MAGI1: variants seen among roughly 807,000 people sequenced by gnomAD.
The protein encoded by MAGI1 is membrane associated guanylate kinase, WW and PDZ domain containing 1.
Under a neutral mutation model 139.9 loss-of-function variants are expected in MAGI1, and 58 were observed. That is an observed-to-expected ratio of 0.41 (90% CI 0.34 to 0.52). The LOEUF is 0.52. MAGI1 is among the 20% of genes least tolerant of loss of function. The probability of loss-of-function intolerance (pLI) is 0.12; values close to 1 mark genes in which losing one functional copy is unlikely to be tolerated. For missense variants in MAGI1, 1,874 were observed against 1,901.6 expected (o/e 0.99, Z 0.27); for synonymous variants, 812 against 737.9 (o/e 1.10, Z -1.63).
At chr3:65,579,269 G>A (rs2081312428) in intron 2 of MAGI1, among the ~76,000 whole-genome samples, 1 of 152,064 alleles carries the variant, frequency 6.6e-6, no homozygotes, top group African/African-American at 2.4e-5. Context: ...ATGGCAGCAG[G>A]TGCAACCATC....
chr3:65,596,972 G>C (rs2082235793), intron 2 of MAGI1, among the ~76,000 whole-genome samples: 1 of 152,078 alleles, frequency 6.6e-6, no homozygotes, highest in African/African-American at 2.4e-5. Flanking sequence ...GAGGAGAATC[G>C]CAGCCCTTCC....
intron 2 of MAGI1, among the ~76,000 whole-genome samples, chr3:65,577,213 T>A (rs1479315579): frequency 1.3e-5 from 2 of 151,990 alleles, no homozygotes; most frequent in Non-Finnish European, 1.5e-5. Flanking sequence ...AACAAATGAA[T>A]CATAATCCTG....
chr3:65,617,945 A>G (rs1010667924), intron 2 of MAGI1, among the ~76,000 whole-genome samples: 9 of 152,150 alleles, frequency 5.9e-5, no homozygotes, highest in African/African-American at 1.9e-4. Flanking sequence ...GGCATGCAGC[A>G]GGCACTACAA....
chr3:65,862,023 C>A (rs560561330), intron 1 of MAGI1, among the ~76,000 whole-genome samples: 1 of 152,256 alleles, frequency 6.6e-6, no homozygotes, highest in East Asian at 1.9e-4. Flanking sequence ...GCTCCCAGAA[C>A]TGACATCTTA....
At position 65,360,348 on chromosome 3, in the gene MAGI1, C is replaced by CT. The variant is rs1387575406; in HGVS notation, c.3634+850dup. ...AAGCCCTACATCTAGGGCATAGCTTCTTCTTTTTTTTTTTTTTTTTAATTT... is the reference window on the plus strand; with the variant it reads ...AAGCCCTACATCTAGGGCATAGCTTCTTTCTTTTTTTTTTTTTTTTTAATTT... On this transcript the variant is annotated intron_variant, in intron 22 of 22. Transcript: ENST00000402939. 74 of 952,806 alleles carry CT rather than the reference C, an allele frequency of 7.8e-5. No homozygotes were observed. The African/African-American group carries it at 1.1e-3, about 15-fold the overall frequency. 59.0% of individuals were successfully genotyped at this position (952,806 alleles called of 1,614,324 possible). A position where few individuals can be genotyped will look rare whatever the true frequency, so the allele number is the denominator to read the frequency against.
chr3:65,371,905 A>G (rs1942040177), intron 18 of MAGI1: 3 of 448,692 alleles, frequency 6.7e-6, no homozygotes, highest in South Asian at 3.2e-5. Context: ...TTCTCTTGCT[A>G]TTTCCACCAC....
chr3:65,659,396 C>A (rs2086065075), intron 1 of MAGI1, among the ~76,000 whole-genome samples: 1 of 152,168 alleles, frequency 6.6e-6, no homozygotes, highest in African/African-American at 2.4e-5. Context: ...CAACTGGACC[C>A]AACATGGTGC....
At chr3:65,851,550 A>T (rs1208144536) in intron 1 of MAGI1, among the ~76,000 whole-genome samples, 1 of 152,160 alleles carries the variant, frequency 6.6e-6, no homozygotes, top group Non-Finnish European at 1.5e-5. Context: ...GGAGTTTCAG[A>T]CCAGCCCAGC....
chr3:65,478,842 T>C lies in MAGI1; in HGVS notation c.551-44A>G, dbSNP rs768838432. ...CATTTGCATGTTTCAAAAGGAATAC[T>C]TTGTGTTTTTTTTTAAGACTTCACA... On this transcript the variant is annotated intron_variant, in intron 3 of 22. Transcript: ENST00000402939. 7 of 1,473,922 alleles carry C rather than the reference T, an allele frequency of 4.7e-6. No individual in the cohort carries two copies. In the South Asian group the frequency reaches 8.0e-5, roughly 17 times the overall value. The allele number at this position is 1,473,922 out of a possible 1,614,324, so 91.3% of individuals were successfully genotyped here.
At chr3:65,609,819 TG>T in intron 2 of MAGI1, 1 of 296,020 alleles carries the variant, frequency 3.4e-6, no homozygotes, top group Admixed American at 3.5e-5. Context: ...TCAAATGATC[TG>T]CTCATCTTGG....
intron 1 of MAGI1, among the ~76,000 whole-genome samples, chr3:65,963,734 A>G (rs141612544): frequency 1.3e-5 from 2 of 152,338 alleles, no homozygotes; most frequent in Non-Finnish European, 2.9e-5. Context: ...TTTAACATGC[A>G]CTATTTTACT....
At chr3:65,529,295 T>C (rs2078527889) in intron 2 of MAGI1, among the ~76,000 whole-genome samples, 1 of 152,160 alleles carries the variant, frequency 6.6e-6, no homozygotes, top group Non-Finnish European at 1.5e-5. Context: ...TGTCCAACCA[T>C]CATCACTATC....
At chr3:65,438,813 A>G (rs534710404) in intron 9 of MAGI1, among the ~76,000 whole-genome samples, 1 of 152,370 alleles carries the variant, frequency 6.6e-6, no homozygotes, top group African/African-American at 2.4e-5. Context: ...TTATTTGAAC[A>G]CAGCTACACC....
rs936185451 is a variant in MAGI1 at position 65,931,229 on chromosome 3, T to C, written c.313+106767A>G. Reference sequence around the variant, plus strand: ...TTATATTTTTTAGTAGAGATGAGGTTTCACTGTGTTAGCCAGGATGGTCTC... The same window carrying C: ...TTATATTTTTTAGTAGAGATGAGGTCTCACTGTGTTAGCCAGGATGGTCTC... On this transcript the variant is annotated intron_variant, in intron 1 of 22. Transcript: ENST00000402939. Among the ~76,000 whole-genome samples the C allele has an allele frequency of 2.0e-5, 3 of 152,070 alleles. No homozygotes were observed. The South Asian group carries it at 6.2e-4, about 32-fold the overall frequency.
chr3:66,015,718 C>T (rs2067600350), intron 1 of MAGI1, among the ~76,000 whole-genome samples: 1 of 151,136 alleles, frequency 6.6e-6, no homozygotes, highest in Admixed American at 6.6e-5. Flanking sequence ...AATTTTTATC[C>T]CATCTACACT....
intron 12 of MAGI1, among the ~76,000 whole-genome samples, chr3:65,420,760 T>C (rs189390943): frequency 6.6e-6 from 1 of 152,278 alleles, no homozygotes; most frequent in Non-Finnish European, 1.5e-5. Flanking sequence ...CACCACACCT[T>C]AATGAGAACT....
rs762972100 is a variant in MAGI1 at position 65,356,981 on chromosome 3, G to A, written c.3786C>T (p.His1262=). ...CTCTGCTGCCTTTCGGATCCCTTGC[G>A]TGTGCCCGCTTTTCCCCATGTGGTG... ...KSSPHGEKRA[H]ARDPKGSREY... is the part of the protein sequence containing the mutation. The change falls in exon 23 of 23, where the codon CAC becomes CAT. Residue 1262 remains histidine, a synonymous_variant. Coordinates refer to ENST00000402939, the MANE Select transcript of MAGI1 (RefSeq NM_001033057.2). 8.7e-6 allele frequency: 14 copies of A among 1,614,066 alleles called. No individual in the cohort carries two copies. The highest frequency in any genetic ancestry group is 1.6e-4 in the Middle Eastern group (1 of 6,084).
At chr3:65,810,705 C>T (rs968418669) in intron 1 of MAGI1, among the ~76,000 whole-genome samples, 2 of 152,152 alleles carry the variant, frequency 1.3e-5, no homozygotes, top group East Asian at 1.9e-4. Flanking sequence ...AATCAGCCAG[C>T]GAGGGAAAGC....
chr3:65,923,964 ATAAT>A (rs1157338006), intron 1 of MAGI1, among the ~76,000 whole-genome samples: 1 of 152,234 alleles, frequency 6.6e-6, no homozygotes, highest in Non-Finnish European at 1.5e-5. Context: ...TTAACAGAAA[ATAAT>A]TAAAGTGTTT....
Sources: allele counts gnomAD v4.1 joint callset (sites outside exome capture counted in the v4.1 genomes callset), GRCh38; gene constraint gnomAD v4.1.1; transcripts MANE v1.5; gene names NCBI Gene and HGNC (gene_info 2026-07-23, HGNC 2026-07-21).